Variants in UMAD1 observed in about 807,000 individuals in gnomAD.
The protein encoded by UMAD1 is UBAP1-MVB12-associated (UMA) domain containing 1.
A neutral mutation model predicts 6.1 loss-of-function variants in UMAD1; 8 were observed. The ratio of observed to expected loss-of-function variants is 1.30; its 90% CI spans 0.76 to 2.35. UMAD1 has a LOEUF of 2.35. Among genes scored for constraint, UMAD1 ranks in the 30% most tolerant of loss-of-function variants. The pLI is 0.00. For synonymous variants in UMAD1, 56 were observed against 31.4 expected, an observed-to-expected ratio of 1.78 and a Z score of -2.61; for missense variants, 130 against 78.4, an observed-to-expected ratio of 1.66 and a Z score of -2.49.
intron 2 of UMAD1, among the ~76,000 whole-genome samples, chr7:7,690,181 A>G (rs1021057962): frequency 6.6e-6 from 1 of 152,322 alleles, no homozygotes; most frequent in South Asian, 2.1e-4. Context: ...ATGATAATGT[A>G]GTCTTTAACT....
intron 2 of UMAD1, among the ~76,000 whole-genome samples, chr7:7,717,830 T>C (rs28912674): frequency 5.3e-5 from 8 of 152,358 alleles, no homozygotes; most frequent in African/African-American, 1.9e-4. Flanking sequence ...TACCATCACC[T>C]TTTATGCTTA....
chr7:7,834,742 C>T (rs1397864498), intron 3 of UMAD1, among the ~76,000 whole-genome samples: 1 of 152,166 alleles, frequency 6.6e-6, no homozygotes, highest in African/African-American at 2.4e-5. Context: ...CAAATACCAT[C>T]ACATCGGCAG....
intron 2 of UMAD1, among the ~76,000 whole-genome samples, chr7:7,748,514 T>C (rs1781617245): frequency 6.6e-6 from 1 of 152,096 alleles, no homozygotes; most frequent in Non-Finnish European, 1.5e-5. Flanking sequence ...TTAGAGCTGC[T>C]GTAATTTTTT....
intron 3 of UMAD1, among the ~76,000 whole-genome samples, chr7:7,853,566 G>T (rs1783959548): frequency 6.6e-6 from 1 of 151,622 alleles, no homozygotes; most frequent in Non-Finnish European, 1.5e-5. Context: ...TATTATTTTT[G>T]ATAGTATTGT....
chr7:7,673,186 C>T, intron 1 of UMAD1, 123 bp from the exon 2 acceptor site: 2 of 721,054 alleles, frequency 2.8e-6, no homozygotes, highest in African/African-American at 1.7e-5. Context: ...CATGGTTTTA[C>T]ATGTGGCCAT....
chr7:7,721,703 T>A (rs968898512), intron 2 of UMAD1, among the ~76,000 whole-genome samples: 1 of 152,178 alleles, frequency 6.6e-6, no homozygotes, highest in Non-Finnish European at 1.5e-5. Context: ...TTTTTTGTGA[T>A]TGTCCATGAG....
intron 3 of UMAD1, among the ~76,000 whole-genome samples, chr7:7,824,301 G>A (rs189731431): frequency 6.6e-6 from 1 of 152,098 alleles, no homozygotes; most frequent in Non-Finnish European, 1.5e-5. Context: ...ATGGCATCCA[G>A]CACCCTCCCT....
chr7:7,747,278 A>G (rs748466115), intron 2 of UMAD1, among the ~76,000 whole-genome samples: 1 of 152,202 alleles, frequency 6.6e-6, no homozygotes, highest in Non-Finnish European at 1.5e-5. Context: ...ATTTAATTTA[A>G]TTAGGTAATC....
intron 3 of UMAD1, among the ~76,000 whole-genome samples, chr7:7,833,237 G>A (rs1281267092): frequency 6.6e-6 from 1 of 152,180 alleles, no homozygotes; most frequent in Non-Finnish European, 1.5e-5. Context: ...ATGAACTGCA[G>A]TGGAACAGAC....
chr7:7,823,594 G>A (rs529838061), intron 3 of UMAD1, among the ~76,000 whole-genome samples: 1 of 152,008 alleles, frequency 6.6e-6, no homozygotes, highest in South Asian at 2.1e-4. Flanking sequence ...ATAGGAATTG[G>A]GAATTGGGCA....
chr7:7,666,345 A>G (rs1435727499), intron 1 of UMAD1, among the ~76,000 whole-genome samples: 1 of 151,964 alleles, frequency 6.6e-6, no homozygotes, highest in African/African-American at 2.4e-5. Flanking sequence ...CTGGGACCTC[A>G]GGCACACGCC....
intron 1 of UMAD1, among the ~76,000 whole-genome samples, chr7:7,647,885 G>T (rs1785133294): frequency 6.6e-6 from 1 of 152,220 alleles, no homozygotes; most frequent in Admixed American, 6.5e-5. Flanking sequence ...GATTACAGGT[G>T]TGAGTCACTG....
chr7:7,691,732 T>A (rs958113229), intron 2 of UMAD1, among the ~76,000 whole-genome samples: 2 of 152,208 alleles, frequency 1.3e-5, no homozygotes, highest in Non-Finnish European at 2.9e-5. Context: ...GACTGACAAA[T>A]CCCTAATTTA....
intron 2 of UMAD1, among the ~76,000 whole-genome samples, chr7:7,739,750 A>C (rs893362114): frequency 1.3e-5 from 2 of 152,236 alleles, no homozygotes; most frequent in Non-Finnish European, 2.9e-5. Flanking sequence ...TTGCAGAGAA[A>C]TTATGAGATC....
intron 1 of UMAD1, among the ~76,000 whole-genome samples, chr7:7,650,227 CATT>C (rs1785193337): frequency 1.3e-5 from 2 of 152,216 alleles, no homozygotes; most frequent in Non-Finnish European, 2.9e-5. Flanking sequence ...TCTGCCTAGA[CATT>C]ATTATTGCTT....
intron 1 of UMAD1, 129 bp from the exon 2 acceptor site, chr7:7,673,180 G>T: frequency 1.4e-6 from 1 of 712,152 alleles, no homozygotes; most frequent in East Asian, 2.7e-5. Flanking sequence ...AAGGCTCATG[G>T]TTTTACATGT....
intron 2 of UMAD1, among the ~76,000 whole-genome samples, chr7:7,795,085 C>T (rs1782647611): frequency 1.3e-5 from 2 of 152,196 alleles, no homozygotes; most frequent in South Asian, 4.1e-4. Flanking sequence ...ACTTTTTAGG[C>T]TGAACCAATA....
intron 3 of UMAD1, among the ~76,000 whole-genome samples, chr7:7,852,330 C>T (rs1583873273): frequency 6.6e-6 from 1 of 152,146 alleles, no homozygotes; most frequent in African/African-American, 2.4e-5. Flanking sequence ...GCAATTAGTT[C>T]TGTAGAAGAC....
intron 2 of UMAD1, among the ~76,000 whole-genome samples, chr7:7,790,298 C>G (rs1782544394): frequency 6.6e-6 from 1 of 152,172 alleles, no homozygotes; most frequent in Non-Finnish European, 1.5e-5. Context: ...AACTAGACAT[C>G]CCAGGATTTA....
Sources: gnomAD v4.1 joint callset for allele counts (sites outside exome capture counted in the v4.1 genomes callset) on GRCh38, gnomAD v4.1.1 for gene constraint, MANE v1.5 for transcripts, NCBI Gene and HGNC (gene_info 2026-07-23, HGNC 2026-07-21) for gene names.